Variants in SORCS3 observed in about 807,000 individuals in gnomAD.
The protein encoded by SORCS3 is VPS10 domain-containing receptor SorCS3.
In SORCS3, 57 loss-of-function variants were observed where a neutral mutation model predicts 146.3. The observed-to-expected ratio is 0.39, with a 90% CI of 0.31 to 0.49. The LOEUF (loss-of-function observed/expected upper bound fraction) is 0.49. Ranked by LOEUF, SORCS3 falls within the 20% of genes least tolerant of loss-of-function variation. The pLI is 0.92. For synonymous variants in SORCS3, 653 were observed against 618.5 expected, an observed-to-expected ratio of 1.06 and a Z score of -0.83; for missense variants, 1,341 against 1,575.5, an observed-to-expected ratio of 0.85 and a Z score of 2.52.
At chr10:104,690,593 G>A (rs977325333) in intron 1 of SORCS3, among the ~76,000 whole-genome samples, 3 of 152,194 alleles carry the variant, frequency 2.0e-5, no homozygotes, top group African/African-American at 7.2e-5. Context: ...AGATTCAGAG[G>A]TGTGGGCTTT....
chr10:105,156,585 T>C (rs146974881), intron 9 of SORCS3, among the ~76,000 whole-genome samples: 252 of 152,304 alleles, frequency 1.7e-3, no homozygotes, highest in Admixed American at 1.5e-3. Context: ...AAAGCGACCA[T>C]TGGCTGAGTC....
intron 1 of SORCS3, among the ~76,000 whole-genome samples, chr10:104,760,068 G>T (rs2017102536): frequency 6.6e-6 from 1 of 152,358 alleles, no homozygotes; most frequent in Admixed American, 6.5e-5. Context: ...ATCTGCAAAA[G>T]AAAATCCCAG....
intron 1 of SORCS3, among the ~76,000 whole-genome samples, chr10:104,725,560 C>T (rs1320040350): frequency 6.6e-6 from 1 of 152,104 alleles, no homozygotes; most frequent in Non-Finnish European, 1.5e-5. Flanking sequence ...TTTGGCTATG[C>T]CCTGCCCCTA....
intron 12 of SORCS3, among the ~76,000 whole-genome samples, chr10:105,166,800 T>A (rs1282901944): frequency 6.6e-6 from 1 of 152,154 alleles, no homozygotes; most frequent in Non-Finnish European, 1.5e-5. Flanking sequence ...TAGGAAATTG[T>A]CTTTTAAGTT....
intron 4 of SORCS3, among the ~76,000 whole-genome samples, chr10:104,979,391 G>A (rs1157184582): frequency 5.9e-5 from 9 of 152,164 alleles, no homozygotes; most frequent in African/African-American, 2.2e-4. Flanking sequence ...AAACTATTAT[G>A]TAATAATGTT....
intron 1 of SORCS3, among the ~76,000 whole-genome samples, chr10:104,706,786 G>A (rs987375713): frequency 6.6e-6 from 1 of 152,156 alleles, no homozygotes; most frequent in Non-Finnish European, 1.5e-5. Flanking sequence ...ACATAAACAT[G>A]TATATGCACA....
chr10:105,074,445 A>G (rs947609865), intron 5 of SORCS3, among the ~76,000 whole-genome samples: 2 of 152,242 alleles, frequency 1.3e-5, no homozygotes, highest in Admixed American at 6.5e-5. Context: ...CACAGCAGCC[A>G]AGATTCCTCC....
chr10:104,721,577 A>C lies in SORCS3; in HGVS notation c.627+79623A>C, dbSNP rs909409437. 2.1e-3 allele frequency among the ~76,000 whole-genome samples: 323 copies of C among 152,078 alleles called. 1 individual carries two copies. The highest frequency in any genetic ancestry group is 3.3e-3 in the Non-Finnish European group (226 of 67,984). On this transcript the variant is annotated intron_variant, in intron 1 of 26. Transcript: ENST00000369701. ...ATAAATTACCTTGGGCAGTATGGCC[A>C]TTTTCACGATATTGATTCTTCCTAC...
intron 20 of SORCS3, among the ~76,000 whole-genome samples, chr10:105,240,947 A>AAATAT (rs949459929): frequency 1.4e-5 from 2 of 143,618 alleles, no homozygotes; most frequent in South Asian, 5.1e-4. Context: ...CACTGAAAAA[A>AAATAT]ATATATATAT....
rs868423005 is a variant in SORCS3 at position 105,139,437 on chromosome 10, G to A, written c.1253G>A (p.Arg418Gln). 8 of 1,613,612 alleles carry A rather than the reference G, an allele frequency of 5.0e-6. No homozygotes were observed. Among genetic ancestry groups the A allele is most frequent in the East Asian group, 2.2e-5 (1 of 44,868 alleles). Reference sequence around the variant, plus strand: ...AGAGCCAGCTACTACGTGTCTTATCGAAGAGAGGCCTTTGCTCAGATAAAG... The same window carrying A: ...AGAGCCAGCTACTACGTGTCTTATCAAAGAGAGGCCTTTGCTCAGATAAAG... Reference protein sequence around the residue: ...SGRASYYVSYRREAFAQIKLP... With the variant: ...SGRASYYVSYQREAFAQIKLP... The change falls in exon 8 of 27, where the codon CGA becomes CAA. Residue 418 changes from arginine to glutamine, a missense_variant. By Grantham distance (43) the Arg-to-Gln change is conservative (BLOSUM62 1). Transcript: ENST00000369701.
chr10:104,787,084 T>G (rs920547723), intron 1 of SORCS3, among the ~76,000 whole-genome samples: 7 of 152,124 alleles, frequency 4.6e-5, no homozygotes, highest in African/African-American at 1.7e-4. Context: ...GATGGCCACT[T>G]TGGTGACATC....
intron 4 of SORCS3, among the ~76,000 whole-genome samples, chr10:104,989,927 G>A (rs994496119): frequency 9.2e-5 from 14 of 152,250 alleles, no homozygotes; most frequent in Non-Finnish European, 2.1e-4. Context: ...CTTCAACAAG[G>A]AGGCAAAACT....
At chr10:105,024,696 T>C (rs1242919007) in intron 4 of SORCS3, among the ~76,000 whole-genome samples, 1 of 152,174 alleles carries the variant, frequency 6.6e-6, no homozygotes, top group Non-Finnish European at 1.5e-5. Flanking sequence ...GGATTGGAGT[T>C]TCCACTTCAG....
intron 6 of SORCS3, among the ~76,000 whole-genome samples, chr10:105,100,636 G>A (rs1047013031): frequency 6.6e-6 from 1 of 152,048 alleles, no homozygotes; most frequent in East Asian, 1.9e-4. Flanking sequence ...TTTCTTGTCC[G>A]AACATCCATT....
chr10:104,690,852 A>G (rs146224003), intron 1 of SORCS3, among the ~76,000 whole-genome samples: 34 of 152,234 alleles, frequency 2.2e-4, no homozygotes, highest in African/African-American at 7.7e-4. Context: ...TGCTTCCTTT[A>G]TGGAAGAGAG....
chr10:105,249,424 C>A (rs1344883811), intron 22 of SORCS3, among the ~76,000 whole-genome samples: 1 of 151,974 alleles, frequency 6.6e-6, no homozygotes, highest in Non-Finnish European at 1.5e-5. Flanking sequence ...GCTGGTGGTT[C>A]CCCAAGGCAG....
Position 105,147,746 on chromosome 10 carries a change from A to G in SORCS3, c.1432A>G (p.Ile478Val). The change falls in exon 9 of 27, where the codon ATC (isoleucine) becomes GTC (valine). Residue 478 changes from isoleucine to valine, a missense_variant. Ile to Val is a conservative substitution (Grantham distance 29). Transcript: ENST00000369701. ...TTACTTCACTCTGGCCATGGAGAAC[A>G]TCAAGAGCAGCAGAGGTCTAATGGG... is the stretch of plus-strand genomic sequence containing the variant. ...GIYFTLAMENIKSSRGLMGNI... is the reference protein window; with the variant it reads ...GIYFTLAMENVKSSRGLMGNI... 1 of 1,613,080 alleles carries G rather than the reference A, an allele frequency of 6.2e-7. No homozygotes were observed.
intron 3 of SORCS3, among the ~76,000 whole-genome samples, chr10:104,929,595 G>T (rs746255231): frequency 9.2e-5 from 14 of 152,200 alleles, no homozygotes; most frequent in Admixed American, 6.5e-5. Flanking sequence ...AAGGTTCCAA[G>T]CCCTAGACAG....
At chr10:104,686,694 C>T (rs192314012) in intron 1 of SORCS3, among the ~76,000 whole-genome samples, 8 of 152,122 alleles carry the variant, frequency 5.3e-5, no homozygotes, top group East Asian at 1.9e-4. Flanking sequence ...CTTCCCTCTT[C>T]CCTCCTTGTC....
Sources: allele counts gnomAD v4.1 joint callset (sites outside exome capture counted in the v4.1 genomes callset), GRCh38; gene constraint gnomAD v4.1.1; transcripts MANE v1.5; gene names NCBI Gene and HGNC (gene_info 2026-07-23, HGNC 2026-07-21).